Variants in TAF2 observed in about 807,000 individuals in gnomAD.
TAF2 encodes the protein transcription initiation factor TFIID subunit 2.
TAF2 carries 61 observed loss-of-function variants against 138.5 expected under a neutral mutation model. The observed-to-expected ratio is 0.44, with a 90% CI of 0.36 to 0.54. The LOEUF is 0.54. Ranked by LOEUF, TAF2 falls within the 20% of genes least tolerant of loss-of-function variation. The pLI is 0.00. For synonymous variants in TAF2, 475 were observed against 469.9 expected (o/e 1.01, Z -0.14); for missense variants, 1,090 against 1,427.9 (o/e 0.76, Z 3.81).
At chr8:119,805,458 C>G (rs948542576) in intron 4 of TAF2, among the ~76,000 whole-genome samples, 1 of 152,140 alleles carries the variant, frequency 6.6e-6, no homozygotes, top group Non-Finnish European at 1.5e-5. Flanking sequence ...GTAATCCCAG[C>G]ACTTTGGGAG....
At chr8:119,777,899 G>T (rs953106136) in intron 18 of TAF2, 120 bp downstream of exon 18, 1 of 610,672 alleles carries the variant, frequency 1.6e-6, no homozygotes, top group Non-Finnish European at 2.9e-6. Context: ...CAAGTACGAT[G>T]ATTTTTATAG....
chr8:119,785,284 T>C lies in TAF2; in HGVS notation c.1794-18A>G, dbSNP rs370001797. ...TTTTATTCCTACATTTAAGAAAAAG[T>C]AGGTTGGAAAATTGTGAGATTTCTA... On this transcript the variant is annotated intron_variant, in intron 14 of 25. Coordinates refer to ENST00000378164, the MANE Select transcript of TAF2 (RefSeq NM_003184.4). 14 of 1,581,994 alleles carry C rather than the reference T, an allele frequency of 8.8e-6. No individual in the cohort carries two copies. The African/African-American group carries it at 1.7e-4, about 20-fold the overall frequency.
intron 17 of TAF2, among the ~76,000 whole-genome samples, chr8:119,778,524 T>A (rs1401508740): frequency 1.3e-5 from 2 of 152,248 alleles, no homozygotes; most frequent in Non-Finnish European, 2.9e-5. Flanking sequence ...GATGGACCAT[T>A]ATTCAACTCC....
At chr8:119,782,809 C>T (rs935250785) in intron 16 of TAF2, among the ~76,000 whole-genome samples, 4 of 152,092 alleles carry the variant, frequency 2.6e-5, no homozygotes, top group African/African-American at 4.8e-5. Flanking sequence ...CTCAAATCAA[C>T]GTGAATAATT....
intron 17 of TAF2, 132 bp from the exon 18 acceptor site, chr8:119,778,261 C>T (rs928042631): frequency 1.7e-6 from 1 of 589,574 alleles, no homozygotes; most frequent in African/African-American, 1.9e-5. Flanking sequence ...AACACCTCCA[C>T]ACCCCAACCC....
chr8:119,757,951 A>G, intron 21 of TAF2, 122 bp downstream of exon 21: 1 of 850,630 alleles, frequency 1.2e-6, no homozygotes, highest in Non-Finnish European at 2.0e-6. Flanking sequence ...GGACATGAAT[A>G]AATGCAAAAG....
At chr8:119,754,269 A>T (rs969111518) in intron 22 of TAF2, among the ~76,000 whole-genome samples, 2 of 152,248 alleles carry the variant, frequency 1.3e-5, no homozygotes, top group African/African-American at 4.8e-5. Context: ...AAGTAATAAA[A>T]TAAAAGAATT....
intron 22 of TAF2, among the ~76,000 whole-genome samples, chr8:119,751,314 G>A (rs1820333965): frequency 1.3e-5 from 2 of 152,136 alleles, no homozygotes; most frequent in African/African-American, 4.8e-5. Context: ...TCATTGCCCA[G>A]AGCATAAAAT....
At chr8:119,736,956 T>G (rs878949492) in intron 25 of TAF2, among the ~76,000 whole-genome samples, 1 of 151,628 alleles carries the variant, frequency 6.6e-6, no homozygotes, top group Admixed American at 6.6e-5. Flanking sequence ...CTTTAACAAA[T>G]GTAAAAGAGG....
intron 18 of TAF2, among the ~76,000 whole-genome samples, chr8:119,777,440 A>G (rs899216894): frequency 1.3e-5 from 2 of 152,194 alleles, no homozygotes; most frequent in Non-Finnish European, 2.9e-5. Context: ...GACATCAACC[A>G]TCTTTTCATT....
rs762498505 is a variant in TAF2 at position 119,806,362 on chromosome 8, T to G, written c.339A>C (p.Ala113=). The change falls in exon 4 of 26, where the codon GCA becomes GCC. Residue 113 remains alanine, a synonymous_variant. Coordinates refer to ENST00000378164, the MANE Select transcript of TAF2 (RefSeq NM_003184.4). ...CTGCATCAGGGTCCACAGCACTAACTGCAGCTGCATAAGCATTGGAAAAAT... is the reference window on the plus strand; with the variant it reads ...CTGCATCAGGGTCCACAGCACTAACGGCAGCTGCATAAGCATTGGAAAAAT... ...LNYFSNAYAA[A]VSAVDPDAGN... 1.1e-5 allele frequency: 18 copies of G among 1,613,940 alleles called. No individual in the cohort carries two copies. The highest frequency in any genetic ancestry group is 1.4e-5 in the Non-Finnish European group (16 of 1,179,976).
intron 2 of TAF2, among the ~76,000 whole-genome samples, chr8:119,829,743 G>A (rs1826323243): frequency 6.6e-6 from 1 of 151,922 alleles, no homozygotes; most frequent in African/African-American, 2.4e-5. Flanking sequence ...GGTGGAAGGG[G>A]GAATGAAAGA....
intron 3 of TAF2, among the ~76,000 whole-genome samples, chr8:119,806,619 C>G (rs1466650047): frequency 6.6e-6 from 1 of 151,876 alleles, no homozygotes; most frequent in African/African-American, 2.4e-5. Flanking sequence ...AGGCACCCAC[C>G]ACCACAACCA....
Position 119,731,803 on chromosome 8 carries a change from A to C in TAF2, c.*121T>G. 1 of 960,724 alleles carries C rather than the reference A, an allele frequency of 1.0e-6. No homozygotes were observed. The allele number at this position is 960,724 out of a possible 1,614,324, so 59.5% of individuals were successfully genotyped here. A position where few individuals can be genotyped will look rare whatever the true frequency, so the allele number is the denominator to read the frequency against. ...AAATGCTTAGAACTTAAATGAATTC[A>C]GAATTTCTGTAGGAGAGGCGAATCC... On this transcript the variant is annotated 3_prime_UTR_variant, in exon 26 of 26. Coordinates refer to ENST00000378164, the MANE Select transcript of TAF2 (RefSeq NM_003184.4).
At chr8:119,821,292 C>T (rs926752673) in intron 2 of TAF2, among the ~76,000 whole-genome samples, 1 of 152,174 alleles carries the variant, frequency 6.6e-6, no homozygotes, top group African/African-American at 2.4e-5. Flanking sequence ...CATCTAGCTT[C>T]TCACTCCTTG....
chr8:119,802,628 A>T (rs1563902437), intron 5 of TAF2, among the ~76,000 whole-genome samples: 1 of 152,178 alleles, frequency 6.6e-6, no homozygotes, highest in Non-Finnish European at 1.5e-5. Flanking sequence ...TAATCTGAGG[A>T]CAGGCTGGGC....
chr8:119,808,751 T>C (rs1455778317), intron 3 of TAF2, among the ~76,000 whole-genome samples: 8 of 152,234 alleles, frequency 5.3e-5, no homozygotes, highest in Non-Finnish European at 1.5e-5. Context: ...ATCAGAGCTC[T>C]TGGGTAACCA....
chr8:119,791,474 C>T lies in TAF2; in HGVS notation c.1278-15G>A. 2 of 1,610,018 alleles carry T rather than the reference C, an allele frequency of 1.2e-6. No homozygotes were observed. Among genetic ancestry groups the T allele is most frequent in the African/African-American group, 1.3e-5 (1 of 74,668 alleles). On this transcript the variant is annotated splice_polypyrimidine_tract_variant and intron_variant, in intron 10 of 25. Transcript: ENST00000378164. ...GGGAAGCCGGACTAAAAAAAATAAA[C>T]ACATTTACCTAATACAGCAAATGTG...
intron 22 of TAF2, 98 bp downstream of exon 22, chr8:119,755,907 CT>C: frequency 1.0e-6 from 1 of 973,190 alleles, no homozygotes; most frequent in African/African-American, 1.7e-5. Context: ...AAAATCTCAA[CT>C]TTTACCTTTA....
Sources: allele counts gnomAD v4.1 joint callset (sites outside exome capture counted in the v4.1 genomes callset), GRCh38; gene constraint gnomAD v4.1.1; transcripts MANE v1.5; gene names NCBI Gene and HGNC (gene_info 2026-07-23, HGNC 2026-07-21).